GPHN: variants seen among roughly 807,000 people sequenced by gnomAD.
GPHN encodes the protein gephyrin.
Under a neutral mutation model 95.5 loss-of-function variants are expected in GPHN, and 17 were observed. That is an observed-to-expected ratio of 0.18 (90% CI 0.12 to 0.27). The LOEUF (loss-of-function observed/expected upper bound fraction) is 0.27, where lower values mean the gene tolerates loss of function less well. Ranked by LOEUF, GPHN falls within the 10% of genes least tolerant of loss-of-function variation. The pLI is 1.00. For missense variants in GPHN, 660 were observed against 978.1 expected (o/e 0.67, Z 4.34); for synonymous variants, 320 against 322.5 (o/e 0.99, Z 0.08).
At chr14:66,941,257 TA>T (rs35289961) in intron 8 of GPHN, among the ~76,000 whole-genome samples, 16 of 149,790 alleles carry the variant, frequency 1.1e-4, no homozygotes, top group South Asian at 6.3e-4. Context: ...TTATTTTCAT[TA>T]AAAAAAAAAT....
At chr14:66,643,710 C>T (rs1268581595) in intron 1 of GPHN, among the ~76,000 whole-genome samples, 3 of 149,112 alleles carry the variant, frequency 2.0e-5, no homozygotes, top group Non-Finnish European at 4.5e-5. Flanking sequence ...GTATTTCCTT[C>T]TGTTGTGGGT....
chr14:67,601,432 T>C, the GPHN span, among the ~76,000 whole-genome samples: 1 of 152,102 alleles, frequency 6.6e-6, no homozygotes, highest in African/African-American at 2.4e-5. Flanking sequence ...GGGAGTTCTG[T>C]CTCCCAAATG....
the GPHN span, among the ~76,000 whole-genome samples, chr14:67,381,270 A>G: frequency 4.4e-4 from 67 of 152,362 alleles, 1 homozygote; most frequent in African/African-American, 1.6e-3. Flanking sequence ...TTACAAAAAA[A>G]TGCTACAAAT....
At chr14:66,747,442 A>T (rs1388955533) in intron 2 of GPHN, among the ~76,000 whole-genome samples, 1 of 152,116 alleles carries the variant, frequency 6.6e-6, no homozygotes, top group African/African-American at 2.4e-5. Context: ...AGAACATCAT[A>T]AGAAGTTGAC....
the GPHN span, among the ~76,000 whole-genome samples, chr14:67,561,505 A>C: frequency 6.6e-6 from 1 of 151,962 alleles, no homozygotes; most frequent in Non-Finnish European, 1.5e-5. Flanking sequence ...CAGAGGTTGC[A>C]GTGAGCCAAG....
rs571441008 is a variant in GPHN at position 66,527,006 on chromosome 14, G to T, written c.64+18415G>T. Among the ~76,000 whole-genome samples the T allele has an allele frequency of 2.0e-5, 3 of 152,236 alleles. No homozygotes were observed. In the East Asian group the frequency reaches 5.8e-4, roughly 29 times the overall value. On this transcript the variant is annotated intron_variant, in intron 1 of 22. Transcript: ENST00000478722. ...TGTCCTCATAAAATGAGTTAGGGAG[G>T]ATTCCCTCTTTTTCTATTGTTTGCA...
chr14:67,103,271 T>C (rs2077827647), intron 13 of GPHN, among the ~76,000 whole-genome samples: 1 of 152,192 alleles, frequency 6.6e-6, no homozygotes, highest in African/African-American at 2.4e-5. Flanking sequence ...AGCTTTGTAG[T>C]ATATTTTGAT....
At chr14:67,412,669 G>A in the GPHN span, among the ~76,000 whole-genome samples, 2 of 152,290 alleles carry the variant, frequency 1.3e-5, no homozygotes, top group East Asian at 1.9e-4. Context: ...AGATGAAGCC[G>A]AAAATTCCAT....
chr14:67,149,359 G>T (rs1293633752), intron 18 of GPHN, among the ~76,000 whole-genome samples: 4 of 152,108 alleles, frequency 2.6e-5, no homozygotes, highest in African/African-American at 2.4e-5. Context: ...AAGAAGAAAA[G>T]AAGTTACTTA....
the GPHN span, among the ~76,000 whole-genome samples, chr14:67,298,683 G>T: frequency 1.3e-5 from 2 of 152,166 alleles, no homozygotes; most frequent in Non-Finnish European, 2.9e-5. Flanking sequence ...TAATTTACAT[G>T]CACTTAAAAT....
chr14:66,597,832 A>G lies in GPHN; in HGVS notation c.65-83275A>G, dbSNP rs139758302. Reference sequence around the variant, plus strand: ...ATGCCCCACTACTACCATCACTTCCATGTTCATTGTGGCGTTATTTCCAAT... The same window carrying G: ...ATGCCCCACTACTACCATCACTTCCGTGTTCATTGTGGCGTTATTTCCAAT... On this transcript the variant is annotated intron_variant, in intron 1 of 22. Coordinates refer to ENST00000478722, the MANE Select transcript of GPHN (RefSeq NM_020806.5). Among the ~76,000 whole-genome samples the G allele has an allele frequency of 3.2e-4, 49 of 152,204 alleles. No individual in the cohort carries two copies. In the East Asian group the frequency reaches 7.3e-3, roughly 23 times the overall value.
chr14:67,656,583 G>A, the GPHN span: 1 of 1,599,748 alleles, frequency 6.3e-7, no homozygotes, highest in Non-Finnish European at 8.5e-7. Flanking sequence ...TGAGACTGTA[G>A]CCGATTCTGA....
At chr14:66,666,128 C>T (rs2065940277) in intron 1 of GPHN, among the ~76,000 whole-genome samples, 1 of 151,724 alleles carries the variant, frequency 6.6e-6, no homozygotes, top group African/African-American at 2.4e-5. Flanking sequence ...GGAGGGATAG[C>T]CTTAGGAGAT....
chr14:67,347,535 C>G, the GPHN span: 8 of 1,234,728 alleles, frequency 6.5e-6, no homozygotes, highest in Non-Finnish European at 9.1e-6. Flanking sequence ...GAGTTTTGCT[C>G]TTGTCGCCGA....
At chr14:66,923,022 C>T in intron 7 of GPHN, 84 bp downstream of exon 7, 2 of 1,159,394 alleles carry the variant, frequency 1.7e-6, no homozygotes, top group Middle Eastern at 2.1e-4. Context: ...CGCATCCCTC[C>T]CTACATTTAA....
chr14:66,569,656 A>G (rs1026717805), intron 1 of GPHN, among the ~76,000 whole-genome samples: 2 of 146,398 alleles, frequency 1.4e-5, no homozygotes, highest in Admixed American at 6.8e-5. Context: ...GAGCAAGACT[A>G]TCTCAAAAAA....
chr14:67,017,536 G>C (rs1421208997), intron 9 of GPHN, among the ~76,000 whole-genome samples: 1 of 151,878 alleles, frequency 6.6e-6, no homozygotes, highest in Non-Finnish European at 1.5e-5. Flanking sequence ...AGTTTAATAA[G>C]GTAGAAAAAC....
At chr14:66,953,768 C>G (rs2068283550) in intron 8 of GPHN, among the ~76,000 whole-genome samples, 1 of 152,172 alleles carries the variant, frequency 6.6e-6, no homozygotes, top group African/African-American at 2.4e-5. Flanking sequence ...CACGGTGGCT[C>G]ACACCTGTAA....
At chr14:66,983,782 A>G (rs2070840556) in intron 9 of GPHN, among the ~76,000 whole-genome samples, 1 of 152,204 alleles carries the variant, frequency 6.6e-6, no homozygotes, top group Admixed American at 6.5e-5. Context: ...GAAATGGTAC[A>G]GGAAAAATGT....
Sources: gnomAD v4.1 joint callset for allele counts (sites outside exome capture counted in the v4.1 genomes callset) on GRCh38, gnomAD v4.1.1 for gene constraint, MANE v1.5 for transcripts, NCBI Gene and HGNC (gene_info 2026-07-23, HGNC 2026-07-21) for gene names.